ZNF577: variants seen among roughly 807,000 people sequenced by gnomAD.
ZNF577 encodes the protein zinc finger protein 577.
ZNF577 carries 14 observed loss-of-function variants against 13.9 expected under a neutral mutation model. That is an observed-to-expected ratio of 1.00 (90% CI 0.66 to 1.57). The LOEUF (loss-of-function observed/expected upper bound fraction) is 1.57, where lower values mean the gene tolerates loss of function less well. Among genes scored for constraint, ZNF577 ranks in the 40% most tolerant of loss-of-function variants. ZNF577 has a pLI of 0.00. For missense variants in ZNF577, 555 were observed against 579.2 expected (o/e 0.96, Z 0.43); for synonymous variants, 203 against 202.9 (o/e 1.00, Z 0.00).
chr19:51,884,561 T>C (rs1210949244), intron 1 of ZNF577, among the ~76,000 whole-genome samples: 3 of 152,064 alleles, frequency 2.0e-5, no homozygotes, highest in South Asian at 2.1e-4. Flanking sequence ...TCCAATATTA[T>C]GTAACATTCA....
chr19:51,865,256 C>G (rs2084549190), downstream of ZNF577, among the ~76,000 whole-genome samples: 1 of 152,210 alleles, frequency 6.6e-6, no homozygotes, highest in African/African-American at 2.4e-5. Context: ...GCCACCATGC[C>G]CAGCTAATTT....
chr19:51,843,872 G>A (rs2084334718), intron 6 of ZNF577, among the ~76,000 whole-genome samples: 3 of 152,168 alleles, frequency 2.0e-5, no homozygotes, highest in Admixed American at 2.0e-4. Flanking sequence ...AGAAATGGGG[G>A]CTTCCTTGGA....
intron 5 of ZNF577, among the ~76,000 whole-genome samples, chr19:51,848,780 CCAA>C (rs199896553): frequency 0.011 from 1,618 of 152,140 alleles, 27 homozygotes; most frequent in African/African-American, 0.034. Flanking sequence ...GATAATTATC[CCAA>C]CAACATTATT....
Position 51,824,130 on chromosome 19 carries a change from C to T in ZNF577, c.*600-12456G>A. On this transcript the variant is annotated intron_variant and NMD_transcript_variant, in intron 9 of 10. Coordinates refer to the ZNF577 transcript ENST00000638827. The surrounding 1 kb of genome is among the most constrained non-coding windows in gnomAD (Gnocchi z 4.7). ...TGCTCTGGACCGCTGTATTTGTGTC[C>T]TGCATCCAGCCTGGGCCCAGAACCA... is the stretch of plus-strand genomic sequence containing the variant. 3.1e-6 allele frequency: 5 copies of T among 1,613,890 alleles called. No homozygotes were observed. Among genetic ancestry groups the T allele is most frequent in the South Asian group, 1.1e-5 (1 of 91,020 alleles).
intron 9 of ZNF577, among the ~76,000 whole-genome samples, chr19:51,812,645 C>T (rs1403654937): frequency 6.6e-6 from 1 of 152,194 alleles, no homozygotes; most frequent in East Asian, 1.9e-4. Context: ...GCATCACACA[C>T]AAGCTTTGCA....
chr19:51,852,870 CCT>C (rs574609857), intron 5 of ZNF577, among the ~76,000 whole-genome samples: 193 of 151,942 alleles, frequency 1.3e-3, no homozygotes, highest in African/African-American at 4.5e-3. Context: ...TTGTATATGC[CCT>C]GTCTTTACAT....
In ZNF577 at chr19:51,824,851, G is replaced by A. The variant is rs201654491; in HGVS notation, c.*600-13177C>T. The stretch of plus-strand genomic sequence containing the variant: ...TGGGCTCTGTCTCTTTCTACCCTGC[G>A]TTAAGCGGAAAAAAAAAATTCTGAC... On this transcript the variant is annotated intron_variant and NMD_transcript_variant, in intron 9 of 10. Coordinates refer to the ZNF577 transcript ENST00000638827. This position sits in a 1 kb window ranked among gnomAD's most constrained non-coding sequence, Gnocchi z 4.7. The A allele has an allele frequency of 2.2e-5, 32 of 1,477,656 alleles. No individual in the cohort carries two copies. The highest frequency in any genetic ancestry group is 1.2e-4 in the South Asian group (9 of 77,382). The allele number at this position is 1,477,656 out of a possible 1,614,324, so 91.5% of individuals were successfully genotyped here. A position where few individuals can be genotyped will look rare whatever the true frequency, so the allele number is the denominator to read the frequency against.
intron 1 of ZNF577, among the ~76,000 whole-genome samples, chr19:51,881,298 G>A (rs535678076): frequency 5.9e-5 from 9 of 152,230 alleles, no homozygotes; most frequent in African/African-American, 2.2e-4. Flanking sequence ...CTGGACACAT[G>A]GCAAGACTCT....
At chr19:51,874,013 C>T (rs992088525) in intron 5 of ZNF577, among the ~76,000 whole-genome samples, 1 of 152,136 alleles carries the variant, frequency 6.6e-6, no homozygotes, top group Admixed American at 6.6e-5. Flanking sequence ...ATGTACCTCA[C>T]ACTCTGTGAA....
At chr19:51,859,736 T>C (rs1248388387) in intron 5 of ZNF577, among the ~76,000 whole-genome samples, 1 of 152,154 alleles carries the variant, frequency 6.6e-6, no homozygotes, top group Admixed American at 6.5e-5. Flanking sequence ...GAGTCAAATA[T>C]GTATTACAAG....
At position 51,874,541 on chromosome 19, in the gene ZNF577, G is replaced by A. The variant is rs148066882; in HGVS notation, c.284-835C>T. ...TTTACCCGGAATATCCTGAGCTTGA[G>A]TGAAGTAGAAATACAAAAGTTTGGC... On this transcript the variant is annotated intron_variant, in intron 5 of 5. Coordinates refer to ENST00000638348, the MANE Select transcript of ZNF577 (RefSeq NM_001370449.1). Among the ~76,000 whole-genome samples, 560 of 152,146 alleles carry A rather than the reference G, an allele frequency of 3.7e-3. 3 individuals are homozygous for A. Among genetic ancestry groups the A allele is most frequent in the African/African-American group, 0.013 (538 of 41,470 alleles).
chr19:51,851,570 G>C (rs1229006831), intron 5 of ZNF577, among the ~76,000 whole-genome samples: 1 of 152,020 alleles, frequency 6.6e-6, no homozygotes, highest in Non-Finnish European at 1.5e-5. Flanking sequence ...CCATCTCCTA[G>C]CACTGACACC....
chr19:51,855,367 C>CTGTGTGTGTGTGTGTGTGTGTG (rs55937420), intron 5 of ZNF577, among the ~76,000 whole-genome samples: 4 of 143,460 alleles, frequency 2.8e-5, no homozygotes, highest in African/African-American at 1.1e-4. Flanking sequence ...GCTGAGGGTG[C>CTGTGTGTGTGTGTGTGTGTGTG]TGTGTGTGTG....
intron 5 of ZNF577, among the ~76,000 whole-genome samples, chr19:51,859,754 G>T (rs2084476943): frequency 6.6e-6 from 1 of 151,986 alleles, no homozygotes; most frequent in Non-Finnish European, 1.5e-5. Flanking sequence ...AAGACATTTT[G>T]ATTCATAAGA....
intron 1 of ZNF577, chr19:51,886,395 T>C (rs1006052918): frequency 4.6e-5 from 7 of 152,312 alleles, no homozygotes; most frequent in South Asian, 2.1e-4. Flanking sequence ...TCTCCAGCAA[T>C]GGATTATGGA....
chr19:51,854,103 C>G (rs1232085771), intron 5 of ZNF577, among the ~76,000 whole-genome samples: 1 of 151,762 alleles, frequency 6.6e-6, no homozygotes, highest in East Asian at 1.9e-4. Flanking sequence ...GAAAAACTAC[C>G]AGTGACTGAT....
chr19:51,818,431 C>T (rs190557358), intron 9 of ZNF577, among the ~76,000 whole-genome samples: 32 of 152,270 alleles, frequency 2.1e-4, no homozygotes, highest in Admixed American at 1.6e-3. Flanking sequence ...GCTAGAGACA[C>T]AGCACTGAAA....
chr19:51,855,161 A>G (rs2084405089), intron 5 of ZNF577, among the ~76,000 whole-genome samples: 1 of 152,200 alleles, frequency 6.6e-6, no homozygotes. Flanking sequence ...TAGATCATAT[A>G]AAGTTGTTAC....
chr19:51,838,246 A>C (rs1223592314), intron 9 of ZNF577, among the ~76,000 whole-genome samples: 1 of 152,214 alleles, frequency 6.6e-6, no homozygotes, highest in African/African-American at 2.4e-5. Flanking sequence ...CATATTTCTA[A>C]AAATCAAGGA....
Sources: allele counts gnomAD v4.1 joint callset (sites outside exome capture counted in the v4.1 genomes callset), GRCh38; gene constraint gnomAD v4.1.1; non-coding constraint Gnocchi (gnomAD v3.1); transcripts MANE v1.5; gene names NCBI Gene and HGNC (gene_info 2026-07-23, HGNC 2026-07-21).